CALN1: variants seen among roughly 807,000 people sequenced by gnomAD.
CALN1 encodes the protein calcium-binding protein 8.
CALN1 carries 17 observed loss-of-function variants against 30.6 expected under a neutral mutation model. That is an observed-to-expected ratio of 0.56 (90% CI 0.38 to 0.83). CALN1 has a LOEUF of 0.83. CALN1 is among the 40% of genes least tolerant of loss of function. The pLI, the probability that CALN1 is intolerant of heterozygous loss-of-function variation, is 0.00. For missense variants in CALN1, 291 were observed against 354.9 expected (o/e 0.82, Z 1.45); for synonymous variants, 156 against 131.4 (o/e 1.19, Z -1.28).
chr7:72,346,747 C>G (rs1802662052), intron 2 of CALN1, among the ~76,000 whole-genome samples: 1 of 152,088 alleles, frequency 6.6e-6, no homozygotes, highest in Non-Finnish European at 1.5e-5. Flanking sequence ...AACTCCTGAC[C>G]TCAAGTGATC....
chr7:72,365,724 C>T (rs1379889074), intron 2 of CALN1, among the ~76,000 whole-genome samples: 1 of 152,116 alleles, frequency 6.6e-6, no homozygotes, highest in Non-Finnish European at 1.5e-5. Context: ...AGCAACTATG[C>T]CTGACCTAAA....
chr7:72,011,581 C>T (rs1164551867), intron 5 of CALN1, among the ~76,000 whole-genome samples: 1 of 152,196 alleles, frequency 6.6e-6, no homozygotes, highest in Non-Finnish European at 1.5e-5. Context: ...GCTTCCATGC[C>T]TGTCTCGCTC....
Position 71,826,019 on chromosome 7 carries a change from C to T in CALN1, c.502-15527G>A, listed in dbSNP as rs575672264. On this transcript the variant is annotated intron_variant, in intron 5 of 6. Coordinates refer to ENST00000395275, the MANE Select transcript of CALN1 (RefSeq NM_031468.4). ...CTGCACTCCAGCCTGGGGGACAGAG[C>T]GAGACTCTGTCTCAAAAAAAAAAAA... Among the ~76,000 whole-genome samples the T allele has an allele frequency of 2.6e-4, 28 of 106,598 alleles. No individual in the cohort carries two copies. The South Asian group carries it at 9.0e-3, about 34-fold the overall frequency. The allele number at this position is 106,598 out of a possible 152,430, so 69.9% of individuals were successfully genotyped here. A position where few individuals can be genotyped will look rare whatever the true frequency, so the allele number is the denominator to read the frequency against.
chr7:72,292,044 C>A (rs1008396486), intron 2 of CALN1, among the ~76,000 whole-genome samples: 19 of 150,036 alleles, frequency 1.3e-4, no homozygotes, highest in Non-Finnish European at 1.6e-4. Flanking sequence ...TTTGGGGAAA[C>A]ACAAACATTT....
At chr7:72,336,906 C>G (rs1802096906) in intron 2 of CALN1, 1 of 984,698 alleles carries the variant, frequency 1.0e-6, no homozygotes, top group East Asian at 1.2e-4. Flanking sequence ...TCGGCGCCCC[C>G]GGGCCGCTCC....
chr7:72,308,531 A>G (rs1046336743), intron 2 of CALN1, among the ~76,000 whole-genome samples: 1 of 152,206 alleles, frequency 6.6e-6, no homozygotes, highest in Non-Finnish European at 1.5e-5. Flanking sequence ...TGTTTGCTGA[A>G]TGCACGAATG....
intron 5 of CALN1, among the ~76,000 whole-genome samples, chr7:71,849,426 G>T (rs1790509460): frequency 1.5e-5 from 2 of 135,468 alleles, no homozygotes; most frequent in African/African-American, 2.8e-5. Flanking sequence ...TTTCAATCTT[G>T]GATCTTCCTA....
chr7:72,017,910 A>AC lies in CALN1; in HGVS notation c.501+5746dup, dbSNP rs1273951849. ...ACACACAAACAGCTCAGCTCTCCTC[A>AC]CCAAGTGTGGGACTCATTTCTCTGT... On this transcript the variant is annotated intron_variant, in intron 5 of 6. Transcript: ENST00000395275. Among the ~76,000 whole-genome samples the AC allele has an allele frequency of 2.0e-5, 3 of 152,200 alleles. No individual in the cohort carries two copies. The South Asian group carries it at 6.2e-4, about 32-fold the overall frequency.
At chr7:72,373,145 A>G (rs1414285217) in intron 2 of CALN1, among the ~76,000 whole-genome samples, 3 of 152,216 alleles carry the variant, frequency 2.0e-5, no homozygotes, top group Non-Finnish European at 4.4e-5. Flanking sequence ...TTTGCATGAC[A>G]TAACCGAAGA....
At chr7:71,911,807 ACTCT>A (rs544431888) in intron 5 of CALN1, among the ~76,000 whole-genome samples, 37 of 152,064 alleles carry the variant, frequency 2.4e-4, no homozygotes, top group Non-Finnish European at 4.9e-4. Flanking sequence ...GCTGCAATAA[ACTCT>A]CTCTCATTCT....
At chr7:72,341,506 G>A (rs894934907) in intron 2 of CALN1, among the ~76,000 whole-genome samples, 1 of 151,660 alleles carries the variant, frequency 6.6e-6, no homozygotes, top group South Asian at 2.1e-4. Flanking sequence ...CTGGGCAACA[G>A]AGCGAGACTC....
chr7:71,813,781 A>G (rs1788101434), intron 5 of CALN1, among the ~76,000 whole-genome samples: 1 of 152,040 alleles, frequency 6.6e-6, no homozygotes, highest in Non-Finnish European at 1.5e-5. Context: ...ATACAAAAAA[A>G]TTAGCCGGGC....
intron 5 of CALN1, among the ~76,000 whole-genome samples, chr7:71,949,121 G>T (rs1409446051): frequency 6.6e-6 from 1 of 151,316 alleles, no homozygotes; most frequent in East Asian, 1.9e-4. Context: ...GTGCGGTCTG[G>T]ACTGAAAGAA....
At chr7:72,026,383 C>T (rs187165638) in intron 4 of CALN1, among the ~76,000 whole-genome samples, 17 of 152,050 alleles carry the variant, frequency 1.1e-4, no homozygotes, top group African/African-American at 3.9e-4. Flanking sequence ...GTCAGGAGTT[C>T]GAGACCAGTC....
intron 4 of CALN1, among the ~76,000 whole-genome samples, chr7:72,057,106 G>GT (rs5884874): frequency 7.7e-6 from 1 of 129,790 alleles, no homozygotes; most frequent in African/African-American, 3.3e-5. Context: ...AAGCCCACCT[G>GT]TTTTTTAAAA....
At chr7:71,959,096 G>T (rs1257776109) in intron 5 of CALN1, among the ~76,000 whole-genome samples, 1 of 152,204 alleles carries the variant, frequency 6.6e-6, no homozygotes, top group Non-Finnish European at 1.5e-5. Context: ...ACTATCAAAG[G>T]CTAGGAGAGA....
chr7:71,805,299 T>C (rs906711560), intron 6 of CALN1, among the ~76,000 whole-genome samples: 4 of 152,126 alleles, frequency 2.6e-5, no homozygotes, highest in African/African-American at 9.7e-5. Context: ...AAGAAATTCC[T>C]AGGGATGAGG....
At chr7:72,297,800 T>C (rs964016311) in intron 2 of CALN1, among the ~76,000 whole-genome samples, 4 of 152,198 alleles carry the variant, frequency 2.6e-5, no homozygotes, top group African/African-American at 9.6e-5. Context: ...TGCCAAGGTT[T>C]TTGCTGACAT....
the CALN1 span, among the ~76,000 whole-genome samples, chr7:72,497,445 A>C: frequency 6.6e-6 from 1 of 152,198 alleles, no homozygotes. Context: ...ATCTCAAAAA[A>C]AACAAAGGAA....
Sources: gnomAD v4.1 joint callset for allele counts (sites outside exome capture counted in the v4.1 genomes callset) on GRCh38, gnomAD v4.1.1 for gene constraint, MANE v1.5 for transcripts, NCBI Gene and HGNC (gene_info 2026-07-23, HGNC 2026-07-21) for gene names.